CIMIP6: variants seen among roughly 807,000 people sequenced by gnomAD.
The protein encoded by CIMIP6 is uncharacterized protein C2orf73.
At chr2:54,331,743 C>T in the CIMIP6 span, among the ~76,000 whole-genome samples, 1 of 151,528 alleles carries the variant, frequency 6.6e-6, no homozygotes, top group Non-Finnish European at 1.5e-5. Context: ...ACCAAGGCAT[C>T]CAGGTGATTC....
chr2:54,330,915 G>A, the CIMIP6 span: 3 of 1,554,732 alleles, frequency 1.9e-6, no homozygotes, highest in Non-Finnish European at 2.7e-6. Flanking sequence ...CCCTTTTCCT[G>A]GCAGGGCTGC....
the CIMIP6 span, among the ~76,000 whole-genome samples, chr2:54,379,907 G>T: frequency 6.6e-6 from 1 of 151,882 alleles, no homozygotes; most frequent in African/African-American, 2.4e-5. Context: ...AACCCAGGAG[G>T]TGGAGGTTAC....
the CIMIP6 span, among the ~76,000 whole-genome samples, chr2:54,358,688 C>T: frequency 6.6e-6 from 1 of 152,166 alleles, no homozygotes; most frequent in Non-Finnish European, 1.5e-5. Flanking sequence ...GAATGAGCCA[C>T]CATGCCTGAC....
chr2:54,371,289 A>G, the CIMIP6 span, among the ~76,000 whole-genome samples: 1 of 152,232 alleles, frequency 6.6e-6, no homozygotes, highest in South Asian at 2.1e-4. Context: ...AGGAGACCCC[A>G]GGAAGCAAGA....
At chr2:54,331,871 C>T in the CIMIP6 span, among the ~76,000 whole-genome samples, 2 of 152,192 alleles carry the variant, frequency 1.3e-5, no homozygotes, top group Admixed American at 6.5e-5. Context: ...AACAATGGTT[C>T]TCACACTTGA....
chr2:54,343,641 G>T, the CIMIP6 span: 1 of 1,037,542 alleles, frequency 9.6e-7, no homozygotes. Context: ...TTGAATTACT[G>T]AATATCCATA....
At chr2:54,374,175 C>A in the CIMIP6 span, among the ~76,000 whole-genome samples, 1 of 152,220 alleles carries the variant, frequency 6.6e-6, no homozygotes, top group Non-Finnish European at 1.5e-5. Context: ...CTACTCCATA[C>A]TCTCCATAGT....
chr2:54,362,795 C>A, the CIMIP6 span, among the ~76,000 whole-genome samples: 8 of 152,156 alleles, frequency 5.3e-5, no homozygotes, highest in Non-Finnish European at 1.2e-4. Context: ...TATCTGCCTA[C>A]CTCAGCCTCC....
chr2:54,370,746 G>C, the CIMIP6 span, among the ~76,000 whole-genome samples: 1 of 152,208 alleles, frequency 6.6e-6, no homozygotes, highest in African/African-American at 2.4e-5. Context: ...GGGGTGGGCT[G>C]TGACCCACCA....
the CIMIP6 span, among the ~76,000 whole-genome samples, chr2:54,382,617 A>T: frequency 6.6e-6 from 1 of 151,968 alleles, no homozygotes. Context: ...TTCAGTCTTA[A>T]CCTCCTCCTT....
At chr2:54,369,355 C>T in the CIMIP6 span, among the ~76,000 whole-genome samples, 5 of 152,068 alleles carry the variant, frequency 3.3e-5, no homozygotes, top group South Asian at 2.1e-4. Flanking sequence ...TTAGACCAAA[C>T]GCTGAAAAAT....
At chr2:54,384,167 C>A in the CIMIP6 span, among the ~76,000 whole-genome samples, 2 of 152,198 alleles carry the variant, frequency 1.3e-5, no homozygotes, top group Non-Finnish European at 2.9e-5. Context: ...AATTAATTCT[C>A]GCAATAAACC....
the CIMIP6 span, among the ~76,000 whole-genome samples, chr2:54,376,119 T>G: frequency 6.6e-6 from 1 of 152,118 alleles, no homozygotes; most frequent in Non-Finnish European, 1.5e-5. Flanking sequence ...TACTACAGCC[T>G]CAACCTCCCC....
chr2:54,360,310 G>A, the CIMIP6 span: 1 of 1,611,836 alleles, frequency 6.2e-7, no homozygotes, highest in South Asian at 1.1e-5. Context: ...CATCAGAACA[G>A]TCCAAAAAAA....
chr2:54,341,360 A>T, the CIMIP6 span, among the ~76,000 whole-genome samples: 4 of 152,230 alleles, frequency 2.6e-5, no homozygotes, highest in Admixed American at 6.5e-5. Flanking sequence ...CCATGTGAGG[A>T]TGCAGTGTTC....
At chr2:54,370,610 C>T in the CIMIP6 span, among the ~76,000 whole-genome samples, 1 of 152,142 alleles carries the variant, frequency 6.6e-6, no homozygotes, top group Non-Finnish European at 1.5e-5. Context: ...CCTAGTGACT[C>T]CTAAGCTGAC....
At chr2:54,342,420 G>C in the CIMIP6 span, among the ~76,000 whole-genome samples, 1 of 152,000 alleles carries the variant, frequency 6.6e-6, no homozygotes, top group Non-Finnish European at 1.5e-5. Flanking sequence ...TGCTGCCTTT[G>C]ACAATTGTAT....
chr2:54,366,242 A>G, the CIMIP6 span, among the ~76,000 whole-genome samples: 1 of 152,080 alleles, frequency 6.6e-6, no homozygotes, highest in African/African-American at 2.4e-5. Context: ...TGTAGGCACT[A>G]TTTTCTTTCT....
chr2:54,365,726 A>G, the CIMIP6 span, among the ~76,000 whole-genome samples: 1 of 152,204 alleles, frequency 6.6e-6, no homozygotes, highest in South Asian at 2.1e-4. Context: ...TTCTTTATAA[A>G]TTAAACAAAA....
Sources: gnomAD v4.1 joint callset for allele counts (sites outside exome capture counted in the v4.1 genomes callset) on GRCh38, gnomAD v4.1.1 for gene constraint, MANE v1.5 for transcripts, NCBI Gene and HGNC (gene_info 2026-07-23, HGNC 2026-07-21) for gene names.